Variants in TMTC2 observed in about 807,000 individuals in gnomAD.
TMTC2 encodes transmembrane O-mannosyltransferase targeting cadherins 2, also known as protein O-mannosyl-transferase TMTC2.
In TMTC2, 43 loss-of-function variants were observed where a neutral mutation model predicts 82.4. The ratio of observed to expected loss-of-function variants is 0.52; its 90% confidence interval spans 0.41 to 0.67. The LOEUF is 0.67. Ranked by LOEUF, TMTC2 falls within the 30% of genes least tolerant of loss-of-function variation. The pLI is 0.00. For missense variants in TMTC2, 919 were observed against 1,012.4 expected, an observed-to-expected ratio of 0.91 and a Z score of 1.25; for synonymous variants, 408 against 381.9, an observed-to-expected ratio of 1.07 and a Z score of -0.80.
intron 2 of TMTC2, among the ~76,000 whole-genome samples, chr12:82,875,828 T>C (rs944741616): frequency 3.4e-5 from 5 of 147,686 alleles, no homozygotes; most frequent in Admixed American, 6.9e-5. Flanking sequence ...TATTTAGATA[T>C]ATTGAACAGA....
intron 1 of TMTC2, among the ~76,000 whole-genome samples, chr12:82,745,981 G>A (rs1875670561): frequency 6.6e-6 from 1 of 152,188 alleles, no homozygotes; most frequent in Non-Finnish European, 1.5e-5. Flanking sequence ...TTGCTTATCA[G>A]CACTCTTGAA....
intron 11 of TMTC2, among the ~76,000 whole-genome samples, chr12:83,114,797 A>C (rs1250015469): frequency 6.6e-6 from 1 of 151,962 alleles, no homozygotes; most frequent in Non-Finnish European, 1.5e-5. Flanking sequence ...GTCCATGTAC[A>C]CTGTAGTATG....
intron 1 of TMTC2, among the ~76,000 whole-genome samples, chr12:82,850,320 C>T (rs1300281211): frequency 7.9e-5 from 12 of 152,098 alleles, no homozygotes. Flanking sequence ...GAGGCTAATT[C>T]GCAAAAGCAG....
At chr12:83,088,598 G>A (rs1883738708) in intron 11 of TMTC2, among the ~76,000 whole-genome samples, 1 of 152,198 alleles carries the variant, frequency 6.6e-6, no homozygotes, top group South Asian at 2.1e-4. Context: ...GGAGGCCCGA[G>A]GAGAAGGAGA....
At chr12:83,048,498 A>G (rs956278411) in intron 9 of TMTC2, among the ~76,000 whole-genome samples, 5 of 152,216 alleles carry the variant, frequency 3.3e-5, no homozygotes, top group African/African-American at 1.2e-4. Flanking sequence ...TAAGAAAGTG[A>G]TATGAAACTT....
intron 1 of TMTC2, among the ~76,000 whole-genome samples, chr12:82,809,238 T>C (rs1218250774): frequency 6.6e-6 from 1 of 152,070 alleles, no homozygotes; most frequent in Non-Finnish European, 1.5e-5. Flanking sequence ...TTCTTGGTTA[T>C]ATATTTAGAC....
intron 9 of TMTC2, among the ~76,000 whole-genome samples, chr12:83,042,575 C>T (rs7309892): frequency 0.3 from 46,247 of 151,918 alleles, 7,145 homozygotes; most frequent in East Asian, 0.45. Context: ...GTCCCTCCCC[C>T]GATTCCTTCT....
chr12:82,906,883 C>A (rs1470975177), intron 3 of TMTC2, among the ~76,000 whole-genome samples: 1 of 151,942 alleles, frequency 6.6e-6, no homozygotes, highest in African/African-American at 2.4e-5. Context: ...GATTGAGAGA[C>A]AAATAGCAGG....
At chr12:82,875,050 G>C (rs1427269284) in intron 2 of TMTC2, among the ~76,000 whole-genome samples, 2 of 152,112 alleles carry the variant, frequency 1.3e-5, no homozygotes, top group African/African-American at 2.4e-5. Flanking sequence ...GGGCCATATG[G>C]AGTTTACTAC....
chr12:82,853,169 C>A (rs1254821520), intron 1 of TMTC2, among the ~76,000 whole-genome samples: 3 of 151,534 alleles, frequency 2.0e-5, no homozygotes, highest in Non-Finnish European at 4.4e-5. Context: ...GTGGCGCGAT[C>A]TCGGCTCACT....
intron 1 of TMTC2, among the ~76,000 whole-genome samples, chr12:82,826,974 T>G (rs1436411309): frequency 6.6e-6 from 1 of 152,204 alleles, no homozygotes; most frequent in Non-Finnish European, 1.5e-5. Context: ...TTTAGAGAGC[T>G]CTGATGCTCT....
At chr12:82,708,858 C>CTTTA (rs1555178261) in intron 1 of TMTC2, among the ~76,000 whole-genome samples, 1 of 152,218 alleles carries the variant, frequency 6.6e-6, no homozygotes, top group East Asian at 1.9e-4. Context: ...ATCTGCCTTG[C>CTTTA]TTTAGCTCAG....
At chr12:82,775,293 T>TA (rs1039676701) in intron 1 of TMTC2, among the ~76,000 whole-genome samples, 118 of 151,418 alleles carry the variant, frequency 7.8e-4, no homozygotes, top group African/African-American at 2.7e-3. Context: ...TATAAAAAAT[T>TA]AAAAAAAATA....
At chr12:83,065,296 T>G (rs191482373) in intron 11 of TMTC2, among the ~76,000 whole-genome samples, 5 of 152,056 alleles carry the variant, frequency 3.3e-5, no homozygotes, top group Non-Finnish European at 7.4e-5. Context: ...TAATTTACTT[T>G]GAAATTGTTA....
At chr12:82,940,418 T>G (rs929032566) in intron 4 of TMTC2, among the ~76,000 whole-genome samples, 3 of 152,118 alleles carry the variant, frequency 2.0e-5, no homozygotes, top group Non-Finnish European at 2.9e-5. Flanking sequence ...TTATTCTTAG[T>G]TTTTTAGAAA....
intron 1 of TMTC2, among the ~76,000 whole-genome samples, chr12:82,825,705 TAATC>T (rs1445463972): frequency 1.2e-4 from 19 of 152,320 alleles, no homozygotes; most frequent in Admixed American, 3.3e-4. Context: ...ATTATTGAAA[TAATC>T]AAATGGGATA....
chr12:82,811,644 T>G (rs1471769571), intron 1 of TMTC2, among the ~76,000 whole-genome samples: 1 of 151,912 alleles, frequency 6.6e-6, no homozygotes. Flanking sequence ...ACTTAAAATA[T>G]AATTTAAATT....
chr12:82,944,967 T>G (rs1198766918), intron 4 of TMTC2, among the ~76,000 whole-genome samples: 2 of 152,178 alleles, frequency 1.3e-5, no homozygotes, highest in Non-Finnish European at 2.9e-5. Context: ...GAGATGTAAA[T>G]TAATATGTAT....
At chr12:82,783,654 G>A (rs747996943) in intron 1 of TMTC2, among the ~76,000 whole-genome samples, 4 of 152,004 alleles carry the variant, frequency 2.6e-5, no homozygotes, top group African/African-American at 7.2e-5. Flanking sequence ...ATGCAAATCC[G>A]GGGGAAGAGT....
Sources: allele counts gnomAD v4.1 joint callset (sites outside exome capture counted in the v4.1 genomes callset), GRCh38; gene constraint gnomAD v4.1.1; transcripts MANE v1.5; gene names NCBI Gene and HGNC (gene_info 2026-07-23, HGNC 2026-07-21).